NXPH3: variants seen among roughly 807,000 people sequenced by gnomAD.
NXPH3 encodes neurexophilin-3.
NXPH3 carries 7 observed loss-of-function variants against 18.8 expected under a neutral mutation model. The ratio of observed to expected loss-of-function variants is 0.37; its 90% CI spans 0.21 to 0.70. The LOEUF is 0.70. Among genes scored for constraint, NXPH3 ranks in the 30% least tolerant of loss-of-function variants. NXPH3 has a pLI of 0.53. For missense variants in NXPH3, 282 were observed against 338.1 expected, an observed-to-expected ratio of 0.83 and a Z score of 1.30; for synonymous variants, 101 against 137.3, an observed-to-expected ratio of 0.74 and a Z score of 1.85.
At chr17:49,576,421 G>A in intron 1 of NXPH3, 148 bp downstream of exon 1, 1 of 901,936 alleles carries the variant, frequency 1.1e-6, no homozygotes. Context: ...GAGAGGGCGG[G>A]TCCGAGGCCG....
chr17:49,576,384 G>A (rs1303836951), intron 1 of NXPH3, 111 bp downstream of exon 1: 3 of 1,256,918 alleles, frequency 2.4e-6, no homozygotes, highest in Non-Finnish European at 3.4e-6. Flanking sequence ...ACATCCCGGG[G>A]ATGGCGGGGA....
intron 1 of NXPH3, 90 bp downstream of exon 1, chr17:49,576,363 C>T (rs1292978311): frequency 2.1e-6 from 3 of 1,419,648 alleles, no homozygotes; most frequent in African/African-American, 2.8e-5. Context: ...GAAACTTTCT[C>T]CCTTCCCCCG....
chr17:49,576,854 G>A (rs1331151929), intron 1 of NXPH3, among the ~76,000 whole-genome samples: 1 of 151,438 alleles, frequency 6.6e-6, no homozygotes, highest in African/African-American at 2.4e-5. Context: ...AGGCACTCGC[G>A]GCAGCTGAGC....
In NXPH3 at chr17:49,578,802, C is replaced by T; in HGVS notation, c.261C>T (p.Asn87=). 1 of 1,613,960 alleles carries T rather than the reference C, an allele frequency of 6.2e-7. No individual in the cohort carries two copies. Among genetic ancestry groups the T allele is most frequent in the Non-Finnish European group, 8.5e-7 (1 of 1,179,972 alleles). The change falls in exon 2 of 2, where the codon AAC becomes AAT. Residue 87 remains asparagine, a synonymous_variant. Transcript: ENST00000328741. This position sits in a 1 kb window ranked among gnomAD's most constrained non-coding sequence, Gnocchi z 4.5. ...GILGQPPNRP[N]HSPPPSAKVK... is the part of the protein sequence containing the mutation. ...TTGGGCAGCCCCCCAACCGCCCGAACCACAGCCCCCCACCCTCAGCCAAGG... is the reference window on the plus strand; with the variant it reads ...TTGGGCAGCCCCCCAACCGCCCGAATCACAGCCCCCCACCCTCAGCCAAGG...
In NXPH3 at chr17:49,576,117, A is replaced by T. The variant is rs2071569498; in HGVS notation, c.-103A>T. 3 of 1,397,948 alleles carry T rather than the reference A, an allele frequency of 2.1e-6. No individual in the cohort carries two copies. In the Admixed American group the frequency reaches 5.9e-5, roughly 28 times the overall value. The allele number at this position is 1,397,948 out of a possible 1,614,324, so 86.6% of individuals were successfully genotyped here. A position where few individuals can be genotyped will look rare whatever the true frequency, so the allele number is the denominator to read the frequency against. ...AGGGGAGGGCCGCGGGCCGCCGGGG[A>T]CTGGAGCATGGGACGGCGCGCCTGA... On this transcript the variant is annotated 5_prime_UTR_variant, in exon 1 of 2. Transcript: ENST00000328741.
In NXPH3 at chr17:49,581,801, G is replaced by T. The variant is rs1465631819; in HGVS notation, c.*2501G>T. ...CCTGGCTGAACTCTCAGCAGGCACT[G>T]GGGGCACTTTGACCCCCCTCCTGCT... On this transcript the variant is annotated 3_prime_UTR_variant, in exon 2 of 2. Coordinates refer to ENST00000328741, the MANE Select transcript of NXPH3 (RefSeq NM_007225.4). 1 of 701,810 alleles carries T rather than the reference G, an allele frequency of 1.4e-6. No homozygotes were observed. Among genetic ancestry groups the T allele is most frequent in the Non-Finnish European group, 2.6e-6 (1 of 384,636 alleles). 43.5% of individuals were successfully genotyped at this position (701,810 alleles called of 1,614,324 possible).
rs1416640493 is a variant in NXPH3, at chr17:49,581,788, C to T, written c.*2488C>T. 5.7e-6 allele frequency: 4 copies of T among 702,044 alleles called. No individual in the cohort carries two copies. The highest frequency in any genetic ancestry group is 7.8e-6 in the Non-Finnish European group (3 of 384,756). 43.5% of individuals were successfully genotyped at this position (702,044 alleles called of 1,614,324 possible). On this transcript the variant is annotated 3_prime_UTR_variant, in exon 2 of 2. Transcript: ENST00000328741. ...CCTCCCCACCTCCCCTGGCTGAACTCTCAGCAGGCACTGGGGGCACTTTGA... is the reference window on the plus strand; with the variant it reads ...CCTCCCCACCTCCCCTGGCTGAACTTTCAGCAGGCACTGGGGGCACTTTGA...
Position 49,581,741 on chromosome 17 carries a change from T to G in NXPH3, c.*2441T>G. ...GACTGCAGGAAGGAGGAGGAAGCAA[T>G]GGGGCCAGAGGCCCTGGGCGCCCTC... On this transcript the variant is annotated 3_prime_UTR_variant, in exon 2 of 2. Coordinates refer to ENST00000328741, the MANE Select transcript of NXPH3 (RefSeq NM_007225.4). The G allele has an allele frequency of 1.4e-6, 1 of 702,456 alleles. No individual in the cohort carries two copies. Among genetic ancestry groups the G allele is most frequent in the East Asian group, 2.7e-5 (1 of 37,276 alleles). The allele number at this position is 702,456 out of a possible 1,614,324, so 43.5% of individuals were successfully genotyped here. A position where few individuals can be genotyped will look rare whatever the true frequency, so the allele number is the denominator to read the frequency against.
rs756985547 is a variant in NXPH3, at chr17:49,579,201, T to C, written c.660T>C (p.Cys220=). The change falls in exon 2 of 2, where the codon TGT becomes TGC. Residue 220 remains cysteine, a synonymous_variant. Transcript: ENST00000328741. This position sits in a 1 kb window ranked among gnomAD's most constrained non-coding sequence, Gnocchi z 6.0. ...WSCSQPFKVV[C]VYIAFYSTDY... ...GCTCCCAGCCCTTCAAAGTCGTCTGTGTCTACATCGCCTTCTACAGCACGG... is the reference window on the plus strand; with the variant it reads ...GCTCCCAGCCCTTCAAAGTCGTCTGCGTCTACATCGCCTTCTACAGCACGG... 1.7e-5 allele frequency: 28 copies of C among 1,610,836 alleles called. No individual in the cohort carries two copies. The highest frequency in any genetic ancestry group is 2.3e-5 in the Non-Finnish European group (27 of 1,180,014).
intron 1 of NXPH3, among the ~76,000 whole-genome samples, chr17:49,577,611 G>A (rs189385695): frequency 3.1e-4 from 47 of 152,292 alleles, no homozygotes; most frequent in African/African-American, 9.1e-4. Flanking sequence ...GGCGGATGGC[G>A]CCTGGATAAA....
chr17:49,579,459 G>A lies in NXPH3; in HGVS notation c.*159G>A, dbSNP rs907308961. ...TGGGGCCAGGGCCAAGTCTCAAGTG[G>A]CAGAGAAAGGGTCCCAAGTGCTGGT... On this transcript the variant is annotated 3_prime_UTR_variant, in exon 2 of 2. Transcript: ENST00000328741. The surrounding 1 kb of genome is among the most constrained non-coding windows in gnomAD (Gnocchi z 6.0). 19 of 643,788 alleles carry A rather than the reference G, an allele frequency of 3.0e-5. No homozygotes were observed. The African/African-American group carries it at 3.3e-4, about 11-fold the overall frequency. The allele number at this position is 643,788 out of a possible 1,614,324, so 39.9% of individuals were successfully genotyped here. A position where few individuals can be genotyped will look rare whatever the true frequency, so the allele number is the denominator to read the frequency against.
chr17:49,576,187 G>T lies in NXPH3; in HGVS notation c.-33G>T. On this transcript the variant is annotated 5_prime_UTR_variant, in exon 1 of 2. Transcript: ENST00000328741. ...AGGCCTGGGACCCCGAAAAGAGAAGGGGAGAGCGAGGGGACGAGAGCGGAG... is the reference window on the plus strand; with the variant it reads ...AGGCCTGGGACCCCGAAAAGAGAAGTGGAGAGCGAGGGGACGAGAGCGGAG... The T allele has an allele frequency of 6.4e-7, 1 of 1,557,442 alleles. No individual in the cohort carries two copies. The highest frequency in any genetic ancestry group is 2.4e-5 in the East Asian group (1 of 41,392).
rs1244317615 is a variant in NXPH3 at position 49,581,750 on chromosome 17, A to G, written c.*2450A>G. On this transcript the variant is annotated 3_prime_UTR_variant, in exon 2 of 2. Coordinates refer to ENST00000328741, the MANE Select transcript of NXPH3 (RefSeq NM_007225.4). ...AAGGAGGAGGAAGCAATGGGGCCAG[A>G]GGCCCTGGGCGCCCTCCCCACCTCC... 1 of 702,244 alleles carries G rather than the reference A, an allele frequency of 1.4e-6. No individual in the cohort carries two copies. Among genetic ancestry groups the G allele is most frequent in the African/African-American group, 1.7e-5 (1 of 57,256 alleles). 43.5% of individuals were successfully genotyped at this position (702,244 alleles called of 1,614,324 possible). A position where few individuals can be genotyped will look rare whatever the true frequency, so the allele number is the denominator to read the frequency against.
chr17:49,580,284 G>A lies in NXPH3; in HGVS notation c.*984G>A, dbSNP rs1277349588. The A allele has an allele frequency of 6.6e-6, 1 of 152,414 alleles. No homozygotes were observed. The highest frequency in any genetic ancestry group is 1.5e-5 in the Non-Finnish European group (1 of 68,160). The allele number at this position is 152,414 out of a possible 1,614,324, so 9.4% of individuals were successfully genotyped here. On this transcript the variant is annotated 3_prime_UTR_variant, in exon 2 of 2. Coordinates refer to ENST00000328741, the MANE Select transcript of NXPH3 (RefSeq NM_007225.4). ...GGTGGGGGGAGGGGAGGGAAGTCTT[G>A]TGAAACCGCTGATTGCTGACTTTTG...
chr17:49,577,115 A>G (rs932794435), intron 1 of NXPH3, among the ~76,000 whole-genome samples: 1 of 150,232 alleles, frequency 6.7e-6, no homozygotes, highest in Non-Finnish European at 1.5e-5. Flanking sequence ...CCCCACCTTT[A>G]CCCTCCAGCC....
chr17:49,576,408 G>C, intron 1 of NXPH3, 135 bp downstream of exon 1: 1 of 1,033,120 alleles, frequency 9.7e-7, no homozygotes, highest in Non-Finnish European at 1.4e-6. Context: ...CTGGAGGCTG[G>C]GGGAGAGGGC....
chr17:49,577,613 C>G (rs564083280), intron 1 of NXPH3, among the ~76,000 whole-genome samples: 3 of 152,316 alleles, frequency 2.0e-5, no homozygotes, highest in Admixed American at 2.0e-4. Flanking sequence ...CGGATGGCGC[C>G]TGGATAAAAA....
rs1012993976 is a variant in NXPH3, at chr17:49,578,747, T to C, written c.206T>C (p.Leu69Pro). Residue 69 changes from leucine (L) to proline (P), a missense_variant, in exon 2 of 2, where the codon CTG becomes CCG. Transcript: ENST00000328741. The surrounding 1 kb of genome is among the most constrained non-coding windows in gnomAD (Gnocchi z 4.5). ...GCCAATTCCACTCTCCTAGGGCTGCTGGCCCCGCCTGGGGAGGCTTGGGGC... is the reference window on the plus strand; with the variant it reads ...GCCAATTCCACTCTCCTAGGGCTGCCGGCCCCGCCTGGGGAGGCTTGGGGC... ...PMANSTLLGL[L>P]APPGEAWGIL... is the part of the protein sequence containing the mutation. The C allele has an allele frequency of 6.2e-7, 1 of 1,613,600 alleles. No homozygotes were observed.
At chr17:49,576,372 C>A in intron 1 of NXPH3, 99 bp downstream of exon 1, 1 of 1,352,452 alleles carries the variant, frequency 7.4e-7, no homozygotes, top group Non-Finnish European at 1.0e-6. Context: ...TCCCTTCCCC[C>A]GACATCCCGG....
Sources: gnomAD v4.1 joint callset for allele counts (sites outside exome capture counted in the v4.1 genomes callset) on GRCh38, gnomAD v4.1.1 for gene constraint, Gnocchi (gnomAD v3.1) non-coding constraint, MANE v1.5 for transcripts, NCBI Gene and HGNC (gene_info 2026-07-23, HGNC 2026-07-21) for gene names.